IMMP2L: variants seen among roughly 807,000 people sequenced by gnomAD.
IMMP2L encodes the protein mitochondrial inner membrane protease subunit 2.
A neutral mutation model predicts 19.3 loss-of-function variants in IMMP2L; 18 were observed. The observed-to-expected ratio is 0.93, with a 90% CI of 0.64 to 1.38. The LOEUF is 1.38. Ranked by LOEUF, IMMP2L falls within the 40% of genes most tolerant of loss-of-function variation. The pLI is 0.00. For missense variants in IMMP2L, 233 were observed against 218.2 expected, an observed-to-expected ratio of 1.07 and a Z score of -0.43; for synonymous variants, 76 against 73.0, an observed-to-expected ratio of 1.04 and a Z score of -0.21.
chr7:110,666,787 T>C (rs1430862618), intron 5 of IMMP2L, among the ~76,000 whole-genome samples: 1 of 152,228 alleles, frequency 6.6e-6, no homozygotes, highest in Non-Finnish European at 1.5e-5. Flanking sequence ...TCCTAAAATA[T>C]ACTCAAAATA....
At position 111,039,452 on chromosome 7, in the gene IMMP2L, G is replaced by C. The variant is rs1268763933; in HGVS notation, c.240-75887C>G. On this transcript the variant is annotated intron_variant, in intron 3 of 5. Transcript: ENST00000405709. ...ATTACACTTATGACACTTTAAGGAAGATATGCTCAGATGCCATGTTTGGTA... is the reference window on the plus strand; with the variant it reads ...ATTACACTTATGACACTTTAAGGAACATATGCTCAGATGCCATGTTTGGTA... Among the ~76,000 whole-genome samples, 4 of 152,270 alleles carry C rather than the reference G, an allele frequency of 2.6e-5. No individual in the cohort carries two copies. In the East Asian group the frequency reaches 7.7e-4, roughly 29 times the overall value.
intron 3 of IMMP2L, among the ~76,000 whole-genome samples, chr7:111,100,343 G>C (rs577900307): frequency 8.8e-4 from 132 of 149,822 alleles, no homozygotes; most frequent in African/African-American, 2.9e-3. Context: ...CTAACAACAG[G>C]CTCTTTCTAC....
intron 3 of IMMP2L, among the ~76,000 whole-genome samples, chr7:111,334,693 G>C (rs908672250): frequency 5.9e-5 from 9 of 151,960 alleles, no homozygotes; most frequent in Admixed American, 6.6e-5. Context: ...TTTTCAACTT[G>C]GTCCTGGCAG....
intron 2 of IMMP2L, among the ~76,000 whole-genome samples, chr7:111,513,105 A>G (rs1341352752): frequency 6.6e-6 from 1 of 152,168 alleles, no homozygotes; most frequent in African/African-American, 2.4e-5. Context: ...CAAAGCAAAA[A>G]TAGACAGCTG....
At chr7:111,405,613 G>A (rs1833839104) in intron 3 of IMMP2L, among the ~76,000 whole-genome samples, 1 of 152,118 alleles carries the variant, frequency 6.6e-6, no homozygotes, top group African/African-American at 2.4e-5. Flanking sequence ...TAGTTGAAGT[G>A]AGGAGAAACA....
At chr7:110,970,591 GT>G (rs1182046419) in intron 3 of IMMP2L, among the ~76,000 whole-genome samples, 1 of 152,066 alleles carries the variant, frequency 6.6e-6, no homozygotes, top group Non-Finnish European at 1.5e-5. Flanking sequence ...GAACATATCT[GT>G]GGAAATGAAG....
chr7:111,224,755 G>C (rs112456812), intron 3 of IMMP2L, among the ~76,000 whole-genome samples: 1 of 152,048 alleles, frequency 6.6e-6, no homozygotes, highest in East Asian at 1.9e-4. Context: ...TTTCACAGAT[G>C]ATATGAAAGC....
intron 3 of IMMP2L, among the ~76,000 whole-genome samples, chr7:111,128,249 C>T (rs1175959033): frequency 6.6e-6 from 1 of 152,092 alleles, no homozygotes; most frequent in Non-Finnish European, 1.5e-5. Flanking sequence ...AAATTTTCGA[C>T]CATCTAAAAC....
rs1026753114 is a variant in IMMP2L, at chr7:110,803,952, T to C, written c.408+82641A>G. Among the ~76,000 whole-genome samples, 1 of 152,000 alleles carries C rather than the reference T, an allele frequency of 6.6e-6. No individual in the cohort carries two copies. The highest frequency in any genetic ancestry group is 2.4e-5 in the African/African-American group (1 of 41,430). On this transcript the variant is annotated intron_variant, in intron 5 of 5. Coordinates refer to ENST00000405709, the MANE Select transcript of IMMP2L (RefSeq NM_032549.4). The surrounding 1 kb of genome is among the most constrained non-coding windows in gnomAD (Gnocchi z 4.2). ...CCTAGTCTTCTTGGTGATTATGATA[T>C]AAGCTGAAGTTTAAGAACAACTGGT...
chr7:110,902,219 CA>C (rs567500681), intron 4 of IMMP2L, among the ~76,000 whole-genome samples: 6 of 150,810 alleles, frequency 4.0e-5, no homozygotes, highest in African/African-American at 1.2e-4. Context: ...GAAAAAACAC[CA>C]AAAAAATGTG....
rs555424829 is a variant in IMMP2L at position 110,803,416 on chromosome 7, G to A, written c.408+83177C>T. ...TGGAATCATTACTGTTGCAGTATGG[G>A]GTCTCTGGAAAGGCAGACTCTGAAA... On this transcript the variant is annotated intron_variant, in intron 5 of 5. Transcript: ENST00000405709. This position sits in a 1 kb window ranked among gnomAD's most constrained non-coding sequence, Gnocchi z 4.2. Among the ~76,000 whole-genome samples, 7 of 152,102 alleles carry A rather than the reference G, an allele frequency of 4.6e-5. No homozygotes were observed. The highest frequency in any genetic ancestry group is 3.4e-3 in the Middle Eastern group (1 of 294).
chr7:111,263,506 G>A (rs769778852), intron 3 of IMMP2L, among the ~76,000 whole-genome samples: 10 of 152,088 alleles, frequency 6.6e-5, no homozygotes, highest in Admixed American at 2.0e-4. Context: ...TGGATATACT[G>A]GGTTTCAAAT....
rs552388449 is a variant in IMMP2L, at chr7:111,560,471, G to A, written c.-3+1380C>T. Among the ~76,000 whole-genome samples the A allele has an allele frequency of 3.7e-4, 57 of 152,158 alleles. No individual in the cohort carries two copies. The South Asian group carries it at 0.011, about 31-fold the overall frequency. On this transcript the variant is annotated intron_variant, in intron 1 of 5. Transcript: ENST00000405709. ...CATCTAATTATTATACTCGTACACT[G>A]GAAAATGACTATAACATTATTCATT...
intron 3 of IMMP2L, among the ~76,000 whole-genome samples, chr7:111,297,951 G>A (rs1409326671): frequency 6.6e-6 from 1 of 151,896 alleles, no homozygotes; most frequent in Non-Finnish European, 1.5e-5. Flanking sequence ...CACATCTTGG[G>A]GTGAAGGGAA....
Position 111,048,238 on chromosome 7 carries a change from CAAAAAAAAAA to C in IMMP2L, c.240-84683_240-84674del, listed in dbSNP as rs575701337. On this transcript the variant is annotated intron_variant, in intron 3 of 5. Transcript: ENST00000405709. ...TGGGCGACAGAGCGAGACTCTGTCT[CAAAAAAAAAA>C]AAAAAAAAAAAAAAAAAGAAAAAAA... 6.0e-3 allele frequency among the ~76,000 whole-genome samples: 110 copies of C among 18,324 alleles called. 1 individual carries two copies. Among genetic ancestry groups the C allele is most frequent in the Non-Finnish European group, 9.3e-3 (65 of 7,012 alleles). 12.0% of individuals were successfully genotyped at this position (18,324 alleles called of 152,430 possible).
chr7:110,911,627 G>A (rs960239229), intron 4 of IMMP2L, among the ~76,000 whole-genome samples: 1 of 152,054 alleles, frequency 6.6e-6, no homozygotes, highest in Admixed American at 6.6e-5. Context: ...AAATTATCTG[G>A]GGGTCAGGTA....
intron 3 of IMMP2L, among the ~76,000 whole-genome samples, chr7:111,199,600 A>G (rs568747626): frequency 6.6e-6 from 1 of 152,318 alleles, no homozygotes; most frequent in South Asian, 2.1e-4. Flanking sequence ...AGAAGTTTAC[A>G]GAATGTTAGT....
intron 3 of IMMP2L, among the ~76,000 whole-genome samples, chr7:111,366,251 T>G (rs1027696347): frequency 1.3e-5 from 2 of 151,044 alleles, no homozygotes; most frequent in African/African-American, 4.9e-5. Flanking sequence ...ATCATTTATA[T>G]AATATCCTGG....
intron 5 of IMMP2L, among the ~76,000 whole-genome samples, chr7:110,738,860 G>A (rs1226685827): frequency 6.6e-6 from 1 of 152,220 alleles, no homozygotes; most frequent in Non-Finnish European, 1.5e-5. Flanking sequence ...ATTAACAGCA[G>A]ATTTCTCAGC....
Sources: gnomAD v4.1 joint callset for allele counts (sites outside exome capture counted in the v4.1 genomes callset) on GRCh38, gnomAD v4.1.1 for gene constraint, Gnocchi (gnomAD v3.1) non-coding constraint, MANE v1.5 for transcripts, NCBI Gene and HGNC (gene_info 2026-07-23, HGNC 2026-07-21) for gene names.